Variants in RPTOR observed in about 807,000 individuals in gnomAD.
RPTOR encodes the protein regulatory-associated protein of mTOR.
Under a neutral mutation model 169.9 loss-of-function variants are expected in RPTOR, and 21 were observed. That is an observed-to-expected ratio of 0.12 (90% CI 0.09 to 0.18). The LOEUF (loss-of-function observed/expected upper bound fraction) is 0.18, where lower values mean the gene tolerates loss of function less well. Ranked by LOEUF, RPTOR falls within the 10% of genes least tolerant of loss-of-function variation. The pLI is 1.00. For synonymous variants in RPTOR, 732 were observed against 753.2 expected (o/e 0.97, Z 0.46); for missense variants, 1,133 against 1,855.9 (o/e 0.61, Z 7.16).
chr17:80,598,003 G>A (rs1280219381), intron 1 of RPTOR, among the ~76,000 whole-genome samples: 1 of 152,122 alleles, frequency 6.6e-6, no homozygotes, highest in Non-Finnish European at 1.5e-5. Context: ...TTAGCTGGGT[G>A]TGGTGGTGCA....
intron 2 of RPTOR, among the ~76,000 whole-genome samples, chr17:80,634,514 T>C (rs111211115): frequency 0.016 from 2,154 of 138,534 alleles, 78 homozygotes; most frequent in African/African-American, 0.057. Context: ...ATACTGTGTG[T>C]GTGTGCGTAC....
chr17:80,595,364 T>C (rs1307074004), intron 1 of RPTOR, among the ~76,000 whole-genome samples: 1 of 152,238 alleles, frequency 6.6e-6, no homozygotes, highest in Non-Finnish European at 1.5e-5. Flanking sequence ...AGTAAAACAC[T>C]GTGGCTTTCC....
At chr17:80,675,631 CA>C (rs2065856100) in intron 3 of RPTOR, among the ~76,000 whole-genome samples, 1 of 152,190 alleles carries the variant, frequency 6.6e-6, no homozygotes, top group Admixed American at 6.5e-5. Flanking sequence ...TGCAACGCCC[CA>C]CTCCAGTTCA....
At chr17:80,955,301 G>A (rs139707448) in intron 28 of RPTOR, among the ~76,000 whole-genome samples, 23 of 152,364 alleles carry the variant, frequency 1.5e-4, no homozygotes, top group Non-Finnish European at 3.4e-4. Context: ...CAGAAGGGCC[G>A]CAAGTGGCAG....
At chr17:80,700,750 G>A (rs1380620354) in intron 3 of RPTOR, among the ~76,000 whole-genome samples, 1,310 of 73,814 alleles carry the variant, frequency 0.018, 21 homozygotes, top group African/African-American at 0.021. Context: ...TGGTGGTGGT[G>A]GTGATGATGG....
At chr17:80,875,127 A>G (rs1161196118) in intron 13 of RPTOR, among the ~76,000 whole-genome samples, 1 of 152,202 alleles carries the variant, frequency 6.6e-6, no homozygotes, top group Non-Finnish European at 1.5e-5. Context: ...TCCATAAAAT[A>G]ATCCTTAAAA....
intron 13 of RPTOR, among the ~76,000 whole-genome samples, chr17:80,877,103 G>A (rs1316956167): frequency 2.6e-5 from 4 of 152,182 alleles, no homozygotes; most frequent in Admixed American, 6.5e-5. Flanking sequence ...CGCAGGGAGT[G>A]TGTGTTGCCT....
Position 80,545,229 on chromosome 17 carries a change from G to C in RPTOR, c.-401G>C, listed in dbSNP as rs1289978891. The C allele has an allele frequency of 4.2e-6, 1 of 237,018 alleles. No homozygotes were observed. The highest frequency in any genetic ancestry group is 2.2e-5 in the African/African-American group (1 of 45,478). The allele number at this position is 237,018 out of a possible 1,614,324, so 14.7% of individuals were successfully genotyped here. A position where few individuals can be genotyped will look rare whatever the true frequency, so the allele number is the denominator to read the frequency against. Reference sequence around the variant, plus strand: ...CAGTGGGCGAACCGGCACCAAGAGCGGCCTGCCTGTCTTCGGAACTGCTGA... The same window carrying C: ...CAGTGGGCGAACCGGCACCAAGAGCCGCCTGCCTGTCTTCGGAACTGCTGA... On this transcript the variant is annotated 5_prime_UTR_variant, in exon 1 of 34. Transcript: ENST00000306801.
At chr17:80,819,799 G>A (rs1027151681) in intron 7 of RPTOR, among the ~76,000 whole-genome samples, 29 of 152,212 alleles carry the variant, frequency 1.9e-4, no homozygotes, top group Admixed American at 1.6e-3. Flanking sequence ...TTTGAGTGAT[G>A]CAGTATCAGT....
At chr17:80,702,640 T>A (rs1349507038) in intron 3 of RPTOR, among the ~76,000 whole-genome samples, 2 of 152,252 alleles carry the variant, frequency 1.3e-5, no homozygotes, top group Non-Finnish European at 2.9e-5. Flanking sequence ...CCTTTCATGC[T>A]AGTCCATTAA....
intron 31 of RPTOR, 138 bp downstream of exon 31, chr17:80,961,618 G>A: frequency 9.9e-7 from 1 of 1,007,402 alleles, no homozygotes; most frequent in Non-Finnish European, 1.4e-6. Context: ...CCTGGAACTG[G>A]CCAGAAAGAT....
Position 80,823,034 on chromosome 17 carries a change from A to G in RPTOR, c.992-45A>G, listed in dbSNP as rs770135156. 20 of 1,588,262 alleles carry G rather than the reference A, an allele frequency of 1.3e-5. 1 individual carries two copies. In the Admixed American group the frequency reaches 1.6e-4, roughly 13 times the overall value. On this transcript the variant is annotated intron_variant, in intron 8 of 33. Coordinates refer to ENST00000306801, the MANE Select transcript of RPTOR (RefSeq NM_020761.3). This position sits in a 1 kb window ranked among gnomAD's most constrained non-coding sequence, Gnocchi z 4.5. ...TTGTGTATTTGGCTTTAAATGCTAGACACAAGTCACTGTAGACTCCTTTTT... is the reference window on the plus strand; with the variant it reads ...TTGTGTATTTGGCTTTAAATGCTAGGCACAAGTCACTGTAGACTCCTTTTT...
chr17:80,942,130 C>T (rs1432233895), intron 25 of RPTOR: 3 of 152,084 alleles, frequency 2.0e-5, no homozygotes, highest in Non-Finnish European at 4.4e-5. Context: ...AGAACAGACC[C>T]TGCTGGATGA....
At chr17:80,783,382 A>C (rs1162626416) in intron 6 of RPTOR, among the ~76,000 whole-genome samples, 1 of 152,150 alleles carries the variant, frequency 6.6e-6, no homozygotes, top group African/African-American at 2.4e-5. Flanking sequence ...AATCACCTAC[A>C]TTTTACAATT....
At chr17:80,618,546 G>A (rs1032428587) in intron 1 of RPTOR, among the ~76,000 whole-genome samples, 1 of 152,176 alleles carries the variant, frequency 6.6e-6, no homozygotes, top group East Asian at 1.9e-4. Flanking sequence ...CGCCGTGGGC[G>A]AGGCCTCCTC....
intron 13 of RPTOR, among the ~76,000 whole-genome samples, chr17:80,870,283 A>G (rs542023462): frequency 9.8e-5 from 15 of 152,348 alleles, no homozygotes; most frequent in East Asian, 9.6e-4. Context: ...GAGGCTTCCC[A>G]CTGGGAACAG....
rs773214785 is a variant in RPTOR at position 80,795,233 on chromosome 17, G to A, written c.890+3724G>A. Among the ~76,000 whole-genome samples, 4 of 152,188 alleles carry A rather than the reference G, an allele frequency of 2.6e-5. No homozygotes were observed. The East Asian group carries it at 5.8e-4, about 22-fold the overall frequency. On this transcript the variant is annotated intron_variant, in intron 7 of 33. Transcript: ENST00000306801. ...AAGGAAGTGGATTCTACAGCAGCAT[G>A]CTCTGTTGTTTCTGGGAAGATACCT...
chr17:80,902,012 C>T (rs1287909622), intron 20 of RPTOR, among the ~76,000 whole-genome samples: 1 of 152,212 alleles, frequency 6.6e-6, no homozygotes, highest in Non-Finnish European at 1.5e-5. Context: ...TAAATGGGAA[C>T]CCAGGTCTCA....
intron 1 of RPTOR, among the ~76,000 whole-genome samples, chr17:80,555,190 C>A (rs1268773420): frequency 6.6e-6 from 1 of 152,152 alleles, no homozygotes; most frequent in Non-Finnish European, 1.5e-5. Flanking sequence ...TCAGGCAGGG[C>A]CTTGAAGTGA....
Sources: allele counts gnomAD v4.1 joint callset (sites outside exome capture counted in the v4.1 genomes callset), GRCh38; gene constraint gnomAD v4.1.1; non-coding constraint Gnocchi (gnomAD v3.1); transcripts MANE v1.5; gene names NCBI Gene and HGNC (gene_info 2026-07-23, HGNC 2026-07-21).